The following EPHA6 variants were observed in gnomAD, a reference collection of about 807,000 sequenced individuals.
EPHA6 encodes the protein ephrin type-A receptor 6.
EPHA6 carries 50 observed loss-of-function variants against 112.0 expected under a neutral mutation model. The observed-to-expected ratio is 0.45, with a 90% CI of 0.36 to 0.56. EPHA6 has a LOEUF of 0.56. Ranked by LOEUF, EPHA6 falls within the 20% of genes least tolerant of loss-of-function variation. The pLI, the probability that EPHA6 is intolerant of heterozygous loss-of-function variation, is 0.00. For missense variants in EPHA6, 1,280 were observed against 1,417.4 expected, an observed-to-expected ratio of 0.90 and a Z score of 1.56; for synonymous variants, 529 against 490.7, an observed-to-expected ratio of 1.08 and a Z score of -1.03.
intron 11 of EPHA6, 105 bp from the exon 12 acceptor site, chr3:97,592,507 G>T: frequency 2.2e-6 from 3 of 1,335,920 alleles, no homozygotes; most frequent in East Asian, 2.5e-5. Flanking sequence ...TAACTTCTTC[G>T]TAAAATTTGA....
intron 6 of EPHA6, among the ~76,000 whole-genome samples, chr3:97,428,354 C>T (rs1417648026): frequency 6.6e-6 from 1 of 152,006 alleles, no homozygotes; most frequent in Non-Finnish European, 1.5e-5. Context: ...CACAGAAATA[C>T]AAGTTAAGGA....
At chr3:97,328,156 A>G (rs2082577516) in intron 5 of EPHA6, among the ~76,000 whole-genome samples, 1 of 150,740 alleles carries the variant, frequency 6.6e-6, no homozygotes. Context: ...AAAAACAGCT[A>G]TGTACATTTA....
At chr3:97,690,725 C>T (rs887107396) in intron 14 of EPHA6, among the ~76,000 whole-genome samples, 9 of 152,174 alleles carry the variant, frequency 5.9e-5, no homozygotes, top group African/African-American at 2.2e-4. Context: ...ACCTCCATTT[C>T]CCAAAGTGCT....
intron 7 of EPHA6, among the ~76,000 whole-genome samples, chr3:97,450,738 G>T (rs1449325304): frequency 6.6e-6 from 1 of 152,006 alleles, no homozygotes; most frequent in African/African-American, 2.4e-5. Context: ...TTTAATATGT[G>T]CCATACTCAT....
At chr3:96,919,988 T>G (rs529463889) in intron 2 of EPHA6, among the ~76,000 whole-genome samples, 1 of 152,020 alleles carries the variant, frequency 6.6e-6, no homozygotes, top group East Asian at 1.9e-4. Context: ...ACCATATGCT[T>G]CTAGGACAAA....
chr3:96,824,313 C>T (rs1459885915), intron 1 of EPHA6, among the ~76,000 whole-genome samples: 1 of 151,534 alleles, frequency 6.6e-6, no homozygotes, highest in Admixed American at 6.6e-5. Context: ...GCTACCAAGC[C>T]TTAAAATCAG....
At chr3:97,277,310 C>G (rs2080121905) in intron 5 of EPHA6, among the ~76,000 whole-genome samples, 1 of 151,640 alleles carries the variant, frequency 6.6e-6, no homozygotes, top group African/African-American at 2.4e-5. Context: ...GGGAGGTGTT[C>G]TCTGGCGGGA....
chr3:97,001,889 G>C (rs2043679917), intron 3 of EPHA6, among the ~76,000 whole-genome samples: 1 of 152,012 alleles, frequency 6.6e-6, no homozygotes, highest in Admixed American at 6.6e-5. Flanking sequence ...TTATTGGACA[G>C]TATCAAAAGT....
intron 11 of EPHA6, among the ~76,000 whole-genome samples, chr3:97,533,174 G>T (rs1002763250): frequency 4.8e-4 from 73 of 152,004 alleles, no homozygotes; most frequent in African/African-American, 1.6e-3. Context: ...TTTGAAAAAT[G>T]ATAGGGCATA....
chr3:97,691,813 C>T (rs1385455673), intron 14 of EPHA6, among the ~76,000 whole-genome samples: 3 of 152,334 alleles, frequency 2.0e-5, no homozygotes, highest in Non-Finnish European at 4.4e-5. Flanking sequence ...AACCACATGA[C>T]ATCCTGAGCA....
intron 8 of EPHA6, 96 bp from the exon 9 acceptor site, chr3:97,479,198 A>G: frequency 1.5e-6 from 1 of 686,178 alleles, no homozygotes; most frequent in Non-Finnish European, 2.3e-6. Context: ...CTTTATGACA[A>G]GAAATTTGTT....
chr3:97,463,390 C>T (rs1196038954), intron 7 of EPHA6, among the ~76,000 whole-genome samples: 2 of 152,016 alleles, frequency 1.3e-5, no homozygotes, highest in African/African-American at 4.8e-5. Flanking sequence ...GCATTTGAGG[C>T]AGTTTAAAAT....
At chr3:97,579,124 G>A (rs183569599) in intron 11 of EPHA6, among the ~76,000 whole-genome samples, 2 of 152,126 alleles carry the variant, frequency 1.3e-5, no homozygotes, top group African/African-American at 4.8e-5. Context: ...AAACTCTCTG[G>A]CACTTTCTCC....
At chr3:97,245,157 A>T (rs1449637490) in intron 5 of EPHA6, among the ~76,000 whole-genome samples, 1 of 152,084 alleles carries the variant, frequency 6.6e-6, no homozygotes, top group Non-Finnish European at 1.5e-5. Context: ...GCCATAACAA[A>T]TAAGACAGGC....
chr3:97,288,151 G>T (rs979948064), intron 5 of EPHA6, among the ~76,000 whole-genome samples: 1 of 152,104 alleles, frequency 6.6e-6, no homozygotes, highest in African/African-American at 2.4e-5. Flanking sequence ...ACTGTGTGAT[G>T]CTGAGGTTTG....
At chr3:96,942,555 T>C (rs939743058) in intron 2 of EPHA6, among the ~76,000 whole-genome samples, 1 of 152,238 alleles carries the variant, frequency 6.6e-6, no homozygotes, top group Non-Finnish European at 1.5e-5. Context: ...CCTGACTCCT[T>C]GCGCTTCCCG....
intron 13 of EPHA6, among the ~76,000 whole-genome samples, chr3:97,627,395 A>C (rs1427648022): frequency 6.6e-6 from 1 of 151,888 alleles, no homozygotes; most frequent in Non-Finnish European, 1.5e-5. Context: ...ATTGAGTGGC[A>C]GAGAAGGTCT....
chr3:97,363,310 T>TC (rs2084510394), intron 5 of EPHA6, among the ~76,000 whole-genome samples: 1 of 147,560 alleles, frequency 6.8e-6, no homozygotes, highest in Non-Finnish European at 1.5e-5. Flanking sequence ...AATTTTTTTT[T>TC]CTAAAATCCT....
chr3:97,622,041 T>A (rs1022816289), intron 13 of EPHA6, among the ~76,000 whole-genome samples: 1 of 151,968 alleles, frequency 6.6e-6, no homozygotes, highest in South Asian at 2.1e-4. Context: ...TTCTTTTCAA[T>A]TTTTTTATTT....
Sources: gnomAD v4.1 joint callset for allele counts (sites outside exome capture counted in the v4.1 genomes callset) on GRCh38, gnomAD v4.1.1 for gene constraint, MANE v1.5 for transcripts, NCBI Gene and HGNC (gene_info 2026-07-23, HGNC 2026-07-21) for gene names.